PTPRN2: variants seen among roughly 807,000 people sequenced by gnomAD.
PTPRN2 encodes protein tyrosine phosphatase receptor type N2.
A neutral mutation model predicts 118.8 loss-of-function variants in PTPRN2; 74 were observed. That is an observed-to-expected ratio of 0.62 (90% CI 0.52 to 0.76). PTPRN2 has a LOEUF of 0.76. PTPRN2 is among the 30% of genes least tolerant of loss of function. The pLI is 0.00. For missense variants in PTPRN2, 1,481 were observed against 1,394.4 expected (o/e 1.06, Z -0.99); for synonymous variants, 641 against 608.0 (o/e 1.05, Z -0.80).
intron 14 of PTPRN2, among the ~76,000 whole-genome samples, chr7:157,630,652 T>C (rs547213187): frequency 2.8e-4 from 42 of 152,324 alleles, no homozygotes; most frequent in African/African-American, 9.9e-4. Flanking sequence ...CACAGGCCCA[T>C]GGCAGCCAAC....
intron 6 of PTPRN2, among the ~76,000 whole-genome samples, chr7:158,146,284 A>C (rs1337955787): frequency 6.6e-6 from 1 of 152,144 alleles, no homozygotes; most frequent in African/African-American, 2.4e-5. Flanking sequence ...CCAAAATGTT[A>C]ACCTATATTT....
chr7:158,341,862 TG>T (rs1806897018), intron 2 of PTPRN2, among the ~76,000 whole-genome samples: 1 of 25,432 alleles, frequency 3.9e-5, no homozygotes, highest in Non-Finnish European at 8.1e-5. Flanking sequence ...CATAAGAGTG[TG>T]CCCCGCAGGC....
chr7:157,880,310 C>T (rs912875538), intron 12 of PTPRN2, among the ~76,000 whole-genome samples: 2 of 152,214 alleles, frequency 1.3e-5, no homozygotes, highest in African/African-American at 4.8e-5. Context: ...ATTCATTACT[C>T]TACCCGCCGC....
intron 2 of PTPRN2, among the ~76,000 whole-genome samples, chr7:158,469,122 T>TGGATCAACAGAATGCACACCCACG (rs1301344649): frequency 3.3e-5 from 5 of 151,916 alleles, no homozygotes; most frequent in Non-Finnish European, 4.4e-5. Context: ...ATCAACAGTG[T>TGGATCAACAGAATGCACACCCACG]CAGGCTTTCA....
At chr7:158,346,990 T>C (rs993172038) in intron 2 of PTPRN2, among the ~76,000 whole-genome samples, 1 of 152,258 alleles carries the variant, frequency 6.6e-6, no homozygotes, top group Admixed American at 6.5e-5. Flanking sequence ...TTATTATATA[T>C]TTTGGATATT....
At chr7:158,078,539 C>A (rs1313467807) in intron 11 of PTPRN2, among the ~76,000 whole-genome samples, 1 of 152,262 alleles carries the variant, frequency 6.6e-6, no homozygotes, top group African/African-American at 2.4e-5. Context: ...ATTTGAAATT[C>A]TTCCCTGCTA....
At chr7:158,262,389 A>G (rs948935345) in intron 3 of PTPRN2, among the ~76,000 whole-genome samples, 4 of 144,666 alleles carry the variant, frequency 2.8e-5, no homozygotes, top group Admixed American at 2.0e-4. Flanking sequence ...ACACACATTC[A>G]CACACACTGC....
At chr7:158,275,022 G>C (rs931326819) in intron 3 of PTPRN2, among the ~76,000 whole-genome samples, 8 of 152,184 alleles carry the variant, frequency 5.3e-5, no homozygotes, top group African/African-American at 1.7e-4. Context: ...AGCACTTTCT[G>C]ATTGTGGGGT....
At chr7:158,360,041 G>A (rs535625815) in intron 2 of PTPRN2, among the ~76,000 whole-genome samples, 1,478 of 116,470 alleles carry the variant, frequency 0.013, 256 homozygotes, top group African/African-American at 0.053. Flanking sequence ...CAGATCCCAA[G>A]TCCACCCACA....
chr7:158,252,898 A>G (rs2150899364), intron 3 of PTPRN2, among the ~76,000 whole-genome samples: 1 of 152,056 alleles, frequency 6.6e-6, no homozygotes, highest in Non-Finnish European at 1.5e-5. Context: ...ATCACAAAGC[A>G]GAGCCTGGTT....
chr7:157,540,729 CT>C lies in PTPRN2; in HGVS notation c.3032del (p.Lys1011ArgfsTer36). ...AVAEEVNAIL[K>X]ALPQ is the part of the protein sequence containing the mutation. ...AGGCTGCCGCTCACTGGGGAAGGGC[CT>C]TGAGGATGGCGTTCACCTCCTCAGC... On this transcript the variant is annotated frameshift_variant, in exon 23 of 23. Coordinates refer to ENST00000389418, the MANE Select transcript of PTPRN2 (RefSeq NM_002847.5). LOFTEE classifies it high-confidence loss of function. 1 of 1,566,228 alleles carries C rather than the reference CT, an allele frequency of 6.4e-7. No individual in the cohort carries two copies. Among genetic ancestry groups the C allele is most frequent in the African/African-American group, 1.4e-5 (1 of 73,796 alleles).
At chr7:158,125,227 T>G (rs1284015091) in intron 9 of PTPRN2, among the ~76,000 whole-genome samples, 1 of 107,976 alleles carries the variant, frequency 9.3e-6, no homozygotes, top group Non-Finnish European at 1.9e-5. Flanking sequence ...CTCCCAGGGC[T>G]GCCCCCCTGT....
chr7:158,331,113 C>A (rs1356944954), intron 2 of PTPRN2, among the ~76,000 whole-genome samples: 2 of 142,932 alleles, frequency 1.4e-5, no homozygotes, highest in African/African-American at 2.6e-5. Flanking sequence ...TCACTCACAC[C>A]CACACTCTCA....
chr7:158,495,057 A>T (rs1305235318), intron 1 of PTPRN2, among the ~76,000 whole-genome samples: 1 of 151,688 alleles, frequency 6.6e-6, no homozygotes, highest in Non-Finnish European at 1.5e-5. Context: ...CCATGCCAGC[A>T]CCCCAGGAAC....
At chr7:157,932,995 T>A in intron 11 of PTPRN2, among the ~76,000 whole-genome samples, 1 of 133,484 alleles carries the variant, frequency 7.5e-6, no homozygotes, top group African/African-American at 2.7e-5. Flanking sequence ...TCACTCTGAC[T>A]GACAGTTTTA....
chr7:158,421,090 C>T (rs986621561), intron 2 of PTPRN2, among the ~76,000 whole-genome samples: 3 of 152,180 alleles, frequency 2.0e-5, no homozygotes, highest in East Asian at 1.9e-4. Context: ...TGAGGATTCC[C>T]GTACCCCATT....
rs1810078160 is a variant in PTPRN2 at position 157,859,834 on chromosome 7, G to A, written c.1788+38839C>T. ...TCCCCCAGCCACCACCCACACTCCT[G>A]CAGGGAGAGCCCCAGCTACTGTACA... On this transcript the variant is annotated intron_variant, in intron 12 of 22. Transcript: ENST00000389418. Among the ~76,000 whole-genome samples the A allele has an allele frequency of 2.8e-5, 3 of 107,244 alleles. No homozygotes were observed. The South Asian group carries it at 1.1e-3, about 38-fold the overall frequency. The allele number at this position is 107,244 out of a possible 152,430, so 70.4% of individuals were successfully genotyped here. A position where few individuals can be genotyped will look rare whatever the true frequency, so the allele number is the denominator to read the frequency against.
chr7:157,709,084 CTGCCTCTCCCAGTG>C (rs1211164462), intron 12 of PTPRN2, among the ~76,000 whole-genome samples: 6 of 152,230 alleles, frequency 3.9e-5, no homozygotes, highest in Non-Finnish European at 8.8e-5. Flanking sequence ...ACTGTGGCTT[CTGCCTCTCCCAGTG>C]GGAGTGAGGC....
Position 157,952,972 on chromosome 7 carries a change from G to T in PTPRN2, c.1724-54235C>A, listed in dbSNP as rs187175675. 7.2e-5 allele frequency among the ~76,000 whole-genome samples: 11 copies of T among 152,120 alleles called. No individual in the cohort carries two copies. In the East Asian group the frequency reaches 1.7e-3, roughly 24 times the overall value. ...GAGAAAGCCATGCACACAGTGAAGG[G>T]GACGGCCTCCATTGGCCCACAGGGT... On this transcript the variant is annotated intron_variant, in intron 11 of 22. Coordinates refer to ENST00000389418, the MANE Select transcript of PTPRN2 (RefSeq NM_002847.5).
Sources: gnomAD v4.1 joint callset for allele counts (sites outside exome capture counted in the v4.1 genomes callset) on GRCh38, gnomAD v4.1.1 for gene constraint, MANE v1.5 for transcripts, NCBI Gene and HGNC (gene_info 2026-07-23, HGNC 2026-07-21) for gene names.